Variants in PDIA3 observed in about 807,000 individuals in gnomAD.
PDIA3 encodes protein disulfide-isomerase A3.
In PDIA3, 16 loss-of-function variants were observed where a neutral mutation model predicts 56.9. That is an observed-to-expected ratio of 0.28 (90% CI 0.19 to 0.43). The LOEUF (loss-of-function observed/expected upper bound fraction) is 0.43. PDIA3 is among the 20% of genes least tolerant of loss of function. PDIA3 has a pLI of 1.00. For synonymous variants in PDIA3, 192 were observed against 216.5 expected (o/e 0.89, Z 0.99); for missense variants, 485 against 621.3 (o/e 0.78, Z 2.33).
intron 1 of PDIA3, among the ~76,000 whole-genome samples, chr15:43,749,086 G>T (rs113408411): frequency 0.17 from 25,825 of 147,636 alleles, 3,158 homozygotes; most frequent in African/African-American, 0.35. Context: ...TTTTGTTTTT[G>T]TTTTGTTTTG....
chr15:43,748,734 TC>T (rs1309130435), intron 1 of PDIA3, among the ~76,000 whole-genome samples: 2 of 152,006 alleles, frequency 1.3e-5, no homozygotes, highest in African/African-American at 4.8e-5. Context: ...CTTTATTTCT[TC>T]ACATTCCACT....
In PDIA3 at chr15:43,749,081, TTTTTG is replaced by T. The variant is rs560283150; in HGVS notation, c.167+2400_167+2404del. 7.3e-3 allele frequency among the ~76,000 whole-genome samples: 1,100 copies of T among 151,572 alleles called. 10 individuals are homozygous for T. Among genetic ancestry groups the T allele is most frequent in the African/African-American group, 0.023 (971 of 41,372 alleles). On this transcript the variant is annotated intron_variant, in intron 1 of 12. Coordinates refer to ENST00000300289, the MANE Select transcript of PDIA3 (RefSeq NM_005313.5). Reference sequence around the variant, plus strand: ...CCACTGCACCCAGCCTGTTTTTTTGTTTTTGTTTTGTTTTGTTTTGTTTTGTTTTT... The same window carrying T: ...CCACTGCACCCAGCCTGTTTTTTTGTTTTTGTTTTGTTTTGTTTTGTTTTT...
intron 7 of PDIA3, 138 bp downstream of exon 7, chr15:43,766,150 AAAATT>A (rs1264795708): frequency 2.1e-4 from 139 of 670,272 alleles, no homozygotes; most frequent in Non-Finnish European, 3.0e-4. Context: ...AAAAAAAAAA[AAAATT>A]AAAGTAACTA....
In PDIA3 at chr15:43,746,701, C is replaced by G; in HGVS notation, c.162C>G (p.Ala54=). ...SAGLMLVEFF[A]PWCGHCKRLA... ...GCCTCATGCTCGTCGAGTTCTTCGC[C>G]CCCTGGTGAGTCCATTCTGCCGAGG... Residue 54 remains alanine, a synonymous_variant, in exon 1 of 13, where the codon GCC becomes GCG. Transcript: ENST00000300289. 6.2e-7 allele frequency: 1 copy of G among 1,612,622 alleles called. No homozygotes were observed. Among genetic ancestry groups the G allele is most frequent in the Non-Finnish European group, 8.5e-7 (1 of 1,179,754 alleles).
At chr15:43,748,709 GTC>G in intron 1 of PDIA3, among the ~76,000 whole-genome samples, 1 of 151,878 alleles carries the variant, frequency 6.6e-6, no homozygotes, top group East Asian at 1.9e-4. Context: ...AGTTAAAGAA[GTC>G]TCCTGTTGAG....
intron 3 of PDIA3, among the ~76,000 whole-genome samples, chr15:43,758,401 A>G (rs1469479772): frequency 6.6e-6 from 1 of 151,896 alleles, no homozygotes; most frequent in East Asian, 1.9e-4. Context: ...GCTCATGCCT[A>G]TAATCCCAGC....
Position 43,773,210 on chromosome 15 carries a change from C to T in PDIA3, c.*1992C>T, listed in dbSNP as rs1413215973. The T allele has an allele frequency of 6.2e-7, 1 of 1,613,844 alleles. No individual in the cohort carries two copies. On this transcript the variant is annotated 3_prime_UTR_variant, in exon 13 of 13. Transcript: ENST00000300289. ...GTACTCACAGCGACGCTTTTCTTCT[C>T]TGTAACTTGGGTACTGCTGCAGAGA... is the stretch of plus-strand genomic sequence containing the variant.
At chr15:43,754,873 T>G (rs2086767989) in intron 2 of PDIA3, among the ~76,000 whole-genome samples, 1 of 151,706 alleles carries the variant, frequency 6.6e-6, no homozygotes, top group Admixed American at 6.6e-5. Flanking sequence ...AAGGATTGCT[T>G]AAGCCAGAGA....
chr15:43,746,763 G>A lies in PDIA3; in HGVS notation c.167+57G>A, dbSNP rs1435595321. On this transcript the variant is annotated intron_variant, in intron 1 of 12. Coordinates refer to ENST00000300289, the MANE Select transcript of PDIA3 (RefSeq NM_005313.5). Reference sequence around the variant, plus strand: ...AGGCGGGGCTGGGCCGGGGGCGAGAGCGCGGGGAACTGTTGGGCCTACGCA... The same window carrying A: ...AGGCGGGGCTGGGCCGGGGGCGAGAACGCGGGGAACTGTTGGGCCTACGCA... The A allele has an allele frequency of 1.9e-6, 3 of 1,587,452 alleles. No individual in the cohort carries two copies. In the East Asian group the frequency reaches 6.7e-5, roughly 36 times the overall value.
At chr15:43,746,934 A>G (rs1465221795) in intron 1 of PDIA3, 1 of 568,584 alleles carries the variant, frequency 1.8e-6, no homozygotes, top group Non-Finnish European at 3.1e-6. Context: ...GCAGGGCCTC[A>G]TCCTTATCTC....
At chr15:43,746,764 C>T in intron 1 of PDIA3, 58 bp downstream of exon 1, 2 of 1,579,372 alleles carry the variant, frequency 1.3e-6, no homozygotes, top group South Asian at 1.1e-5. Flanking sequence ...GGGGCGAGAG[C>T]GCGGGGAACT....
At chr15:43,760,861 C>T (rs1035741807) in intron 3 of PDIA3, among the ~76,000 whole-genome samples, 1 of 151,674 alleles carries the variant, frequency 6.6e-6, no homozygotes, top group African/African-American at 2.4e-5. Flanking sequence ...ATAAAAAACG[C>T]TATGCCACTG....
chr15:43,750,657 C>A lies in PDIA3; in HGVS notation c.168-3167C>A, dbSNP rs564993328. Among the ~76,000 whole-genome samples, 7 of 151,896 alleles carry A rather than the reference C, an allele frequency of 4.6e-5. No homozygotes were observed. In the East Asian group the frequency reaches 1.4e-3, roughly 30 times the overall value. ...GGGCGTGGTAGCAGGTGCCTGTAGT[C>A]CCAGCTACTCGGGAGGCTGAGGCAG... On this transcript the variant is annotated intron_variant, in intron 1 of 12. Transcript: ENST00000300289.
At chr15:43,761,593 G>A in intron 4 of PDIA3, 62 bp downstream of exon 4, 2 of 899,682 alleles carry the variant, frequency 2.2e-6, no homozygotes, top group Non-Finnish European at 3.6e-6. Flanking sequence ...AACCCTCCAT[G>A]TCTGGGAAAA....
intron 1 of PDIA3, among the ~76,000 whole-genome samples, chr15:43,747,744 C>A (rs1176561660): frequency 6.6e-6 from 1 of 152,134 alleles, no homozygotes; most frequent in African/African-American, 2.4e-5. Flanking sequence ...TCAAAAATGT[C>A]AGTAAAAGTT....
Position 43,771,743 on chromosome 15 carries a change from G to A in PDIA3, c.*525G>A, listed in dbSNP as rs866641272. 7.5e-6 allele frequency: 3 copies of A among 397,788 alleles called. No homozygotes were observed. The highest frequency in any genetic ancestry group is 3.6e-5 in the East Asian group (1 of 28,066). The allele number at this position is 397,788 out of a possible 1,614,324, so 24.6% of individuals were successfully genotyped here. ...ATACAGTTGCTACCATACTGGTCAC[G>A]GCAGCTGTAGACTGACTGGGTCCAT... On this transcript the variant is annotated 3_prime_UTR_variant, in exon 13 of 13. Coordinates refer to ENST00000300289, the MANE Select transcript of PDIA3 (RefSeq NM_005313.5).
intron 1 of PDIA3, among the ~76,000 whole-genome samples, chr15:43,753,295 C>T (rs910768594): frequency 6.6e-6 from 1 of 152,156 alleles, no homozygotes; most frequent in African/African-American, 2.4e-5. Flanking sequence ...CCAGGCTGGT[C>T]TTGAACTCCT....
At chr15:43,750,679 G>A (rs961588335) in intron 1 of PDIA3, among the ~76,000 whole-genome samples, 16 of 151,812 alleles carry the variant, frequency 1.1e-4, no homozygotes, top group Non-Finnish European at 1.9e-4. Context: ...GGAGGCTGAG[G>A]CAGGAGAATG....
intron 12 of PDIA3, 85 bp from the exon 13 acceptor site, chr15:43,771,020 C>A: frequency 2.4e-6 from 2 of 844,408 alleles, no homozygotes; most frequent in South Asian, 1.6e-5. Context: ...TATGCTTTTA[C>A]AAACTCAGAA....
Sources: gnomAD v4.1 joint callset for allele counts (sites outside exome capture counted in the v4.1 genomes callset) on GRCh38, gnomAD v4.1.1 for gene constraint, MANE v1.5 for transcripts, NCBI Gene and HGNC (gene_info 2026-07-23, HGNC 2026-07-21) for gene names.